EPB41L2: variants seen among roughly 807,000 people sequenced by gnomAD.
The protein encoded by EPB41L2 is band 4.1-like protein 2.
EPB41L2 carries 43 observed loss-of-function variants against 113.0 expected under a neutral mutation model. The ratio of observed to expected loss-of-function variants is 0.38; its 90% CI spans 0.30 to 0.49. The LOEUF (loss-of-function observed/expected upper bound fraction) is 0.49, where lower values mean the gene tolerates loss of function less well. Among genes scored for constraint, EPB41L2 ranks in the 20% least tolerant of loss-of-function variants. The probability of loss-of-function intolerance (pLI) is 0.95; values close to 1 mark genes in which losing one functional copy is unlikely to be tolerated. For missense variants in EPB41L2, 1,147 were observed against 1,223.4 expected (o/e 0.94, Z 0.93); for synonymous variants, 442 against 436.7 (o/e 1.01, Z -0.15).
intron 1 of EPB41L2, among the ~76,000 whole-genome samples, chr6:131,026,669 C>T (rs749655154): frequency 1.3e-5 from 2 of 152,164 alleles, no homozygotes; most frequent in Admixed American, 6.6e-5. Flanking sequence ...TTAGGCCTTT[C>T]GCACAAACCA....
At chr6:131,024,463 G>A (rs992993893) in intron 1 of EPB41L2, among the ~76,000 whole-genome samples, 5 of 152,116 alleles carry the variant, frequency 3.3e-5, no homozygotes, top group African/African-American at 1.2e-4. Flanking sequence ...CATCTCTGTC[G>A]TAGAATGGCA....
rs552808231 is a variant in EPB41L2 at position 130,863,000 on chromosome 6, G to T, written c.2910+638C>A. ...AAAATTGTCAGCATCACTTGGGACT[G>T]CAGTCTAAAATTAAAACTGCTCTCA... On this transcript the variant is annotated intron_variant, in intron 18 of 19. Coordinates refer to ENST00000337057, the MANE Select transcript of EPB41L2 (RefSeq NM_001431.4). Among the ~76,000 whole-genome samples the T allele has an allele frequency of 3.0e-4, 45 of 152,318 alleles. No homozygotes were observed. In the South Asian group the frequency reaches 8.9e-3, roughly 30 times the overall value.
chr6:130,956,902 A>G (rs1159121634), intron 1 of EPB41L2, among the ~76,000 whole-genome samples: 1 of 152,232 alleles, frequency 6.6e-6, no homozygotes, highest in East Asian at 1.9e-4. Flanking sequence ...TGTAACAGGA[A>G]GATGTTATCA....
At chr6:130,888,363 T>C (rs1234061214) in intron 11 of EPB41L2, among the ~76,000 whole-genome samples, 1 of 152,144 alleles carries the variant, frequency 6.6e-6, no homozygotes, top group Non-Finnish European at 1.5e-5. Context: ...AAGAGAAAAA[T>C]AATGGATTAC....
At chr6:130,848,079 T>C (rs1427091988) in intron 19 of EPB41L2, among the ~76,000 whole-genome samples, 1 of 152,102 alleles carries the variant, frequency 6.6e-6, no homozygotes, top group Non-Finnish European at 1.5e-5. Context: ...CTTTCTCACT[T>C]TTTATCTGAG....
In EPB41L2 at chr6:130,904,356, G is replaced by GA. The variant is rs142711460; in HGVS notation, c.929+108dup. On this transcript the variant is annotated intron_variant, in intron 6 of 19. Transcript: ENST00000337057. ...TTTCAAGGAAACTTCTAAAACTTAA[G>GA]AAAAACTGTTTTGGTTTTCAATCCT... The GA allele has an allele frequency of 5.1e-3, 3,374 of 663,448 alleles. 100 individuals are homozygous for GA. The African/African-American group carries it at 0.055, about 11-fold the overall frequency. 41.1% of individuals were successfully genotyped at this position (663,448 alleles called of 1,614,324 possible).
rs918060246 is a variant in EPB41L2 at position 130,953,031 on chromosome 6, C to G, written c.705+2074G>C. 4.0e-5 allele frequency among the ~76,000 whole-genome samples: 6 copies of G among 148,764 alleles called. No homozygotes were observed. The Admixed American group carries it at 4.1e-4, about 10-fold the overall frequency. On this transcript the variant is annotated intron_variant, in intron 3 of 19. Coordinates refer to ENST00000337057, the MANE Select transcript of EPB41L2 (RefSeq NM_001431.4). ...AGAACTTCAGAAATAAAAGGGCATT[C>G]TAGATGATCTAAATAATTCTATATT...
At chr6:130,858,856 T>C (rs1195034082) in intron 18 of EPB41L2, among the ~76,000 whole-genome samples, 1 of 152,204 alleles carries the variant, frequency 6.6e-6, no homozygotes, top group Non-Finnish European at 1.5e-5. Flanking sequence ...AACATACAAT[T>C]AGTAAAGCTA....
intron 1 of EPB41L2, among the ~76,000 whole-genome samples, chr6:131,047,764 T>G (rs1795737789): frequency 1.3e-5 from 2 of 152,168 alleles, no homozygotes; most frequent in South Asian, 2.1e-4. Flanking sequence ...AATATTTTGC[T>G]TGGTCTAGTT....
At chr6:130,965,644 C>CAAAAAAAAAAAAAAAAA (rs35081059) in intron 1 of EPB41L2, among the ~76,000 whole-genome samples, 1 of 127,896 alleles carries the variant, frequency 7.8e-6, no homozygotes. Context: ...AAACAGTTAT[C>CAAAAAAAAAAAAAAAAA]AAAAAAAAAA....
intron 1 of EPB41L2, among the ~76,000 whole-genome samples, chr6:131,010,598 A>T (rs1366177774): frequency 6.6e-6 from 1 of 151,882 alleles, no homozygotes. Flanking sequence ...TTTTTAGTAG[A>T]GACGGGGTTT....
In EPB41L2 at chr6:130,895,012, A is replaced by C. The variant is rs757199121; in HGVS notation, c.1344T>G (p.Ile448Met). Residue 448 changes from isoleucine (I) to methionine (M), a missense_variant, in exon 9 of 20, where the codon ATT (isoleucine) becomes ATG (methionine). Transcript: ENST00000337057. ...TGTAGAAGTTACTGCGTTTATAGGAAATTTTTAAGATTTTCGGCCAAGCAA... is the reference window on the plus strand; with the variant it reads ...TGTAGAAGTTACTGCGTTTATAGGACATTTTTAAGATTTTCGGCCAAGCAA... ...NRFAWPKILKISYKRSNFYIK... is the reference protein window; with the variant it reads ...NRFAWPKILKMSYKRSNFYIK... 3 of 1,613,942 alleles carry C rather than the reference A, an allele frequency of 1.9e-6. No homozygotes were observed. Among genetic ancestry groups the C allele is most frequent in the South Asian group, 2.2e-5 (2 of 91,066 alleles).
At chr6:131,039,718 T>C (rs1047288983) in intron 1 of EPB41L2, among the ~76,000 whole-genome samples, 1 of 152,158 alleles carries the variant, frequency 6.6e-6, no homozygotes, top group African/African-American at 2.4e-5. Flanking sequence ...CAGGAGCCAG[T>C]TTGAAGAGGA....
At chr6:130,957,714 T>C (rs1367560302) in intron 1 of EPB41L2, among the ~76,000 whole-genome samples, 1 of 152,188 alleles carries the variant, frequency 6.6e-6, no homozygotes, top group Non-Finnish European at 1.5e-5. Context: ...TTTAAAGCTT[T>C]ATTAAGATAT....
chr6:130,923,174 T>C (rs995047976), intron 4 of EPB41L2, among the ~76,000 whole-genome samples: 1 of 152,116 alleles, frequency 6.6e-6, no homozygotes, highest in Non-Finnish European at 1.5e-5. Flanking sequence ...CCTCATTCTC[T>C]CTTCAATCAT....
chr6:131,060,387 C>A (rs1214118952), intron 1 of EPB41L2, among the ~76,000 whole-genome samples: 1 of 152,168 alleles, frequency 6.6e-6, no homozygotes, highest in East Asian at 1.9e-4. Flanking sequence ...AGAAATTGTA[C>A]CAATAAATAT....
intron 1 of EPB41L2, among the ~76,000 whole-genome samples, chr6:131,059,807 A>G (rs111300399): frequency 5.9e-5 from 9 of 152,340 alleles, no homozygotes; most frequent in African/African-American, 1.9e-4. Flanking sequence ...CAGCATAAAC[A>G]TTTACTTCAG....
intron 11 of EPB41L2, among the ~76,000 whole-genome samples, chr6:130,886,144 T>C (rs1210112562): frequency 6.6e-6 from 1 of 152,214 alleles, no homozygotes. Context: ...AAGTTTACTC[T>C]GGTTCCATGT....
chr6:130,903,660 T>C (rs1449851596), intron 6 of EPB41L2, among the ~76,000 whole-genome samples: 2 of 142,506 alleles, frequency 1.4e-5, no homozygotes, highest in East Asian at 2.1e-4. Flanking sequence ...AAATATGGTA[T>C]ATAAAAATCA....
Sources: allele counts gnomAD v4.1 joint callset (sites outside exome capture counted in the v4.1 genomes callset), GRCh38; gene constraint gnomAD v4.1.1; transcripts MANE v1.5; gene names NCBI Gene and HGNC (gene_info 2026-07-23, HGNC 2026-07-21).